Variants in SRSF7 observed in about 807,000 individuals in gnomAD.
SRSF7 encodes the protein serine/arginine-rich splicing factor 7.
In SRSF7, 15 loss-of-function variants were observed where a neutral mutation model predicts 42.2. The ratio of observed to expected loss-of-function variants is 0.36; its 90% CI spans 0.24 to 0.55. The LOEUF (loss-of-function observed/expected upper bound fraction) is 0.55. Ranked by LOEUF, SRSF7 falls within the 20% of genes least tolerant of loss-of-function variation. The pLI is 0.88. For synonymous variants in SRSF7, 138 were observed against 107.9 expected (o/e 1.28, Z -1.73); for missense variants, 181 against 305.9 (o/e 0.59, Z 3.04).
At chr2:38,751,094 G>T (rs1178519440) in intron 1 of SRSF7, 135 bp downstream of exon 1, 2 of 1,187,220 alleles carry the variant, frequency 1.7e-6, no homozygotes, top group South Asian at 2.5e-5. Context: ...CGCTGCCTCC[G>T]GCTTCGTCTG....
chr2:38,748,468 G>A (rs755767472), intron 4 of SRSF7, 111 bp downstream of exon 4: 53 of 1,087,286 alleles, frequency 4.9e-5, no homozygotes, highest in African/African-American at 2.8e-4. Flanking sequence ...ACTCCAGCCC[G>A]GGTGACAGAG....
chr2:38,750,637 G>A (rs1668179045), intron 1 of SRSF7, among the ~76,000 whole-genome samples: 1 of 151,994 alleles, frequency 6.6e-6, no homozygotes, highest in African/African-American at 2.4e-5. Flanking sequence ...CCAGGCACAG[G>A]CTCGCCCAAG....
intron 3 of SRSF7, chr2:38,748,979 G>A: frequency 7.8e-7 from 1 of 1,286,308 alleles, no homozygotes; most frequent in Admixed American, 2.9e-5. Flanking sequence ...GCCGATCGCT[G>A]CATCTAGATG....
In SRSF7 at chr2:38,750,919, A is replaced by AGGGCGGGGGGGGAGGG. The variant is rs1668239753; in HGVS notation, c.28+294_28+309dup. 8.1e-6 allele frequency: 3 copies of AGGGCGGGGGGGGAGGG among 368,254 alleles called. No individual in the cohort carries two copies. In the Admixed American group the frequency reaches 1.2e-4, roughly 14 times the overall value. 22.8% of individuals were successfully genotyped at this position (368,254 alleles called of 1,614,324 possible). On this transcript the variant is annotated intron_variant, in intron 1 of 7. Coordinates refer to ENST00000313117, the MANE Select transcript of SRSF7 (RefSeq NM_001031684.3). ...GTGCGCAAAATGGCAGCCGCCGCCG[A>AGGGCGGGGGGGGAGGG]GGGCGGGGGGGGAGGGGGGCCGGCG...
chr2:38,749,779 T>A (rs892960692), intron 2 of SRSF7, 74 bp from the exon 3 acceptor site: 30 of 1,417,654 alleles, frequency 2.1e-5, no homozygotes, highest in Admixed American at 1.6e-4. Context: ...AAGAACTCTT[T>A]CCAACCACTC....
chr2:38,744,201 A>T lies in SRSF7; in HGVS notation c.*932T>A. 1 of 152,636 alleles carries T rather than the reference A, an allele frequency of 6.6e-6. No individual in the cohort carries two copies. The highest frequency in any genetic ancestry group is 2.4e-5 in the African/African-American group (1 of 41,460). 9.5% of individuals were successfully genotyped at this position (152,636 alleles called of 1,614,324 possible). ...GAAGAATGTTGTGGTTGGGAACTGC[A>T]AAACCTAGCTTGAAGATTAACAACA... On this transcript the variant is annotated 3_prime_UTR_variant, in exon 8 of 8. Transcript: ENST00000313117.
intron 6 of SRSF7, 110 bp from the exon 7 acceptor site, chr2:38,746,289 G>A (rs142577059): frequency 9.8e-6 from 12 of 1,224,736 alleles, no homozygotes; most frequent in African/African-American, 7.6e-5. Context: ...ATGTCAGACT[G>A]CACTTAAACT....
chr2:38,751,433 C>T (rs1015777067), upstream of SRSF7: 2 of 820,644 alleles, frequency 2.4e-6, no homozygotes, highest in Admixed American at 2.3e-5. Flanking sequence ...CGTTGTTCTG[C>T]GCGGCACAAA....
At position 38,744,001 on chromosome 2, in the gene SRSF7, A is replaced by G; in HGVS notation, c.*1132T>C. On this transcript the variant is annotated 3_prime_UTR_variant, in exon 8 of 8. Coordinates refer to ENST00000313117, the MANE Select transcript of SRSF7 (RefSeq NM_001031684.3). ...GCCCTACTATTCTTAAGATACTTAA[A>G]ATTTGAATAAAGAACCTACTGGCTA... The G allele has an allele frequency of 6.6e-6, 1 of 152,186 alleles. No individual in the cohort carries two copies. The highest frequency in any genetic ancestry group is 6.5e-5 in the Admixed American group (1 of 15,270). The allele number at this position is 152,186 out of a possible 1,614,324, so 9.4% of individuals were successfully genotyped here. A position where few individuals can be genotyped will look rare whatever the true frequency, so the allele number is the denominator to read the frequency against.
At chr2:38,749,976 T>A in intron 2 of SRSF7, 38 bp downstream of exon 2, 2 of 1,568,856 alleles carry the variant, frequency 1.3e-6, no homozygotes, top group Non-Finnish European at 1.7e-6. Context: ...AGCCACAGTA[T>A]ATTTTAATGA....
At chr2:38,746,818 G>A in intron 5 of SRSF7, 71 bp from the exon 6 acceptor site, 1 of 1,591,792 alleles carries the variant, frequency 6.3e-7, no homozygotes, top group Non-Finnish European at 8.5e-7. Context: ...ACTCAACACT[G>A]TATTAGGTTG....
At chr2:38,747,802 G>A (rs943490429) in intron 5 of SRSF7, among the ~76,000 whole-genome samples, 1 of 152,188 alleles carries the variant, frequency 6.6e-6, no homozygotes, top group Non-Finnish European at 1.5e-5. Context: ...CCAGAGTGTT[G>A]AGTAGAACTG....
Position 38,743,832 on chromosome 2 carries a change from A to G in SRSF7, c.*1301T>C. On this transcript the variant is annotated 3_prime_UTR_variant, in exon 8 of 8. Coordinates refer to ENST00000313117, the MANE Select transcript of SRSF7 (RefSeq NM_001031684.3). The stretch of plus-strand genomic sequence containing the variant: ...TGCAGACCAGTATTCCCAAGTTGCA[A>G]TAGTATCCAATGACTTTGCTGAAAT... 1 of 152,530 alleles carries G rather than the reference A, an allele frequency of 6.6e-6. No individual in the cohort carries two copies. The highest frequency in any genetic ancestry group is 1.5e-5 in the Non-Finnish European group (1 of 68,038). 9.4% of individuals were successfully genotyped at this position (152,530 alleles called of 1,614,324 possible).
Position 38,743,983 on chromosome 2 carries a change from TATTCTTAAGATACTTAA to T in SRSF7, c.*1133_*1149del. On this transcript the variant is annotated 3_prime_UTR_variant, in exon 8 of 8. Coordinates refer to ENST00000313117, the MANE Select transcript of SRSF7 (RefSeq NM_001031684.3). Reference sequence around the variant, plus strand: ...TCAAAAGTAACTGTTACTGCCCTACTATTCTTAAGATACTTAAAATTTGAATAAAGAACCTACTGGCT... The same window carrying T: ...TCAAAAGTAACTGTTACTGCCCTACTAATTTGAATAAAGAACCTACTGGCT... 1 of 152,060 alleles carries T rather than the reference TATTCTTAAGATACTTAA, an allele frequency of 6.6e-6. No homozygotes were observed. The highest frequency in any genetic ancestry group is 1.5e-5 in the Non-Finnish European group (1 of 68,026). The allele number at this position is 152,060 out of a possible 1,614,324, so 9.4% of individuals were successfully genotyped here.
At chr2:38,750,905 G>T (rs992858563) in intron 1 of SRSF7, 4 of 375,420 alleles carry the variant, frequency 1.1e-5, no homozygotes, top group Non-Finnish European at 2.0e-5. Context: ...TGCGCAAAAT[G>T]GCAGCCGCCG....
chr2:38,744,907 T>C lies in SRSF7; in HGVS notation c.*226A>G. On this transcript the variant is annotated 3_prime_UTR_variant, in exon 8 of 8. Coordinates refer to ENST00000313117, the MANE Select transcript of SRSF7 (RefSeq NM_001031684.3). ...CAAATCAAAAATCTAGTTAGAAACATTTTATTTAAATGTGCCAAATAAAAA... is the reference window on the plus strand; with the variant it reads ...CAAATCAAAAATCTAGTTAGAAACACTTTATTTAAATGTGCCAAATAAAAA... 2.2e-6 allele frequency: 1 copy of C among 461,020 alleles called. No individual in the cohort carries two copies. Among genetic ancestry groups the C allele is most frequent in the Non-Finnish European group, 3.8e-6 (1 of 261,228 alleles). The allele number at this position is 461,020 out of a possible 1,614,324, so 28.6% of individuals were successfully genotyped here.
chr2:38,745,286 C>A (rs1204955005), intron 7 of SRSF7, 99 bp from the exon 8 acceptor site: 1 of 1,210,866 alleles, frequency 8.3e-7, no homozygotes, highest in Non-Finnish European at 1.2e-6. Context: ...GCCTAAGGTA[C>A]TAATTTCCTA....
intron 1 of SRSF7, 129 bp downstream of exon 1, chr2:38,751,100 G>A: frequency 1.2e-5 from 15 of 1,263,436 alleles, no homozygotes; most frequent in Admixed American, 1.7e-5. Flanking sequence ...CTCCGGCTTC[G>A]TCTGGCGTGC....
Position 38,749,629 on chromosome 2 carries a change from C to T in SRSF7, c.286G>A (p.Ala96Thr). Residue 96 changes from alanine to threonine, a missense_variant, in exon 3 of 8, where the codon GCC becomes ACC. Ala to Thr is a moderately conservative substitution (Grantham distance 58). Coordinates refer to ENST00000313117, the MANE Select transcript of SRSF7 (RefSeq NM_001031684.3). ...PRRSRFDRPP[A>T]RRPFDPNDRC... ...TCATTTGGATCAAAGGGACGTCGGG[C>T]AGGTGGTCTATCAAAACGTGATCTC... 13 of 1,607,878 alleles carry T rather than the reference C, an allele frequency of 8.1e-6. No individual in the cohort carries two copies. Among genetic ancestry groups the T allele is most frequent in the Non-Finnish European group, 1.0e-5 (12 of 1,178,476 alleles).
Sources: gnomAD v4.1 joint callset for allele counts (sites outside exome capture counted in the v4.1 genomes callset) on GRCh38, gnomAD v4.1.1 for gene constraint, MANE v1.5 for transcripts, NCBI Gene and HGNC (gene_info 2026-07-23, HGNC 2026-07-21) for gene names.